Variants in THADA observed in about 807,000 individuals in gnomAD.
THADA encodes the protein tRNA (32-2'-O)-methyltransferase regulator THADA.
THADA carries 213 observed loss-of-function variants against 219.8 expected under a neutral mutation model. The observed-to-expected ratio is 0.97, with a 90% CI of 0.87 to 1.09. The LOEUF (loss-of-function observed/expected upper bound fraction) is 1.09, where lower values mean the gene tolerates loss of function less well. THADA is among the 50% of genes least tolerant of loss of function. The pLI is 0.00. For missense variants in THADA, 2,956 were observed against 2,311.3 expected, an observed-to-expected ratio of 1.28 and a Z score of -5.72; for synonymous variants, 1,018 against 828.9, an observed-to-expected ratio of 1.23 and a Z score of -3.92.
intron 25 of THADA, among the ~76,000 whole-genome samples, chr2:43,497,215 C>T (rs1429579412): frequency 1.3e-5 from 2 of 152,106 alleles, no homozygotes; most frequent in East Asian, 3.9e-4. Context: ...ATAAATCATT[C>T]GACTATAAAG....
chr2:43,372,736 G>A (rs765187053), intron 29 of THADA, among the ~76,000 whole-genome samples: 13 of 152,078 alleles, frequency 8.5e-5, no homozygotes, highest in Non-Finnish European at 1.6e-4. Flanking sequence ...CAAGTGTAGA[G>A]CATTAGTCTA....
intron 26 of THADA, among the ~76,000 whole-genome samples, chr2:43,433,945 T>C (rs1285125107): frequency 6.6e-6 from 1 of 152,224 alleles, no homozygotes; most frequent in African/African-American, 2.4e-5. Flanking sequence ...TGCCTCTGCC[T>C]CCCACAGTGC....
rs995090067 is a variant in THADA at position 43,313,944 on chromosome 2, G to C, written c.4438+6502C>G. On this transcript the variant is annotated intron_variant, in intron 31 of 37. Transcript: ENST00000405975. ...GTTAGGCACTTCTCGCTATGCCTCA[G>C]TTTCTGTGGTCTCATGAAGGAACAT... 5.3e-5 allele frequency among the ~76,000 whole-genome samples: 8 copies of C among 152,364 alleles called. No individual in the cohort carries two copies. In the East Asian group the frequency reaches 5.8e-4, roughly 11 times the overall value.
intron 8 of THADA, 125 bp downstream of exon 8, chr2:43,581,616 T>C: frequency 1.3e-6 from 1 of 781,336 alleles, no homozygotes; most frequent in Non-Finnish European, 1.9e-6. Context: ...TTTGAGAGGC[T>C]GAGTAAGGAC....
At chr2:43,396,599 G>A (rs974043335) in intron 29 of THADA, among the ~76,000 whole-genome samples, 3 of 152,180 alleles carry the variant, frequency 2.0e-5, no homozygotes, top group East Asian at 3.9e-4. Context: ...TCAGGAGTTC[G>A]AGACCAGCTT....
At chr2:43,471,553 A>G (rs377566889) in intron 26 of THADA, among the ~76,000 whole-genome samples, 1 of 152,276 alleles carries the variant, frequency 6.6e-6, no homozygotes, top group South Asian at 2.1e-4. Context: ...AAAGTAATAT[A>G]AAGAGTACAT....
chr2:43,361,667 G>A (rs1296267407), intron 29 of THADA, among the ~76,000 whole-genome samples: 1 of 152,204 alleles, frequency 6.6e-6, no homozygotes, highest in Non-Finnish European at 1.5e-5. Flanking sequence ...TGTGGTGATT[G>A]TCCCAGAAAC....
chr2:43,592,368 T>C lies in THADA; in HGVS notation c.25A>G (p.Met9Val), dbSNP rs1359966318. Residue 9 changes from methionine to valine, a missense_variant, in exon 2 of 38, where the codon ATG (methionine) becomes GTG (valine). Transcript: ENST00000405975. MGVKKKKEMQVAALTICHQ... is the reference protein window; with the variant it reads MGVKKKKEVQVAALTICHQ... Reference sequence around the variant, plus strand: ...CAAATGGTCAGCGCAGCAACTTGCATTTCTTTCTTCTTCTTTACACCCATT... The same window carrying C: ...CAAATGGTCAGCGCAGCAACTTGCACTTCTTTCTTCTTCTTTACACCCATT... The C allele has an allele frequency of 1.2e-6, 2 of 1,607,208 alleles. No individual in the cohort carries two copies. The highest frequency in any genetic ancestry group is 2.2e-5 in the East Asian group (1 of 44,830).
At chr2:43,425,444 GTA>G (rs1162459125) in intron 28 of THADA, among the ~76,000 whole-genome samples, 41 of 116,448 alleles carry the variant, frequency 3.5e-4, no homozygotes, top group African/African-American at 1.0e-3. Context: ...TGTTAAAATT[GTA>G]TGTGTGTGTG....
At chr2:43,424,009 A>G (rs920702315) in intron 28 of THADA, among the ~76,000 whole-genome samples, 5 of 152,206 alleles carry the variant, frequency 3.3e-5, no homozygotes, top group Middle Eastern at 3.2e-3. Context: ...TCACATTCAC[A>G]TGGTAAAGGG....
At chr2:43,587,272 A>C (rs1401276006) in intron 4 of THADA, among the ~76,000 whole-genome samples, 4 of 152,196 alleles carry the variant, frequency 2.6e-5, no homozygotes, top group Non-Finnish European at 5.9e-5. Context: ...CACTTCTCTT[A>C]CTAAAACCTC....
intron 19 of THADA, among the ~76,000 whole-genome samples, chr2:43,550,039 C>T (rs1229163138): frequency 1.3e-5 from 2 of 152,140 alleles, no homozygotes; most frequent in East Asian, 3.9e-4. Flanking sequence ...TTTTTATTCC[C>T]TAAGCACTCA....
intron 22 of THADA, among the ~76,000 whole-genome samples, chr2:43,518,936 T>C (rs1692069580): frequency 6.6e-6 from 1 of 152,076 alleles, no homozygotes; most frequent in Non-Finnish European, 1.5e-5. Context: ...TGACCTGTAT[T>C]TCCAACTGTC....
At chr2:43,402,166 G>A (rs990910988) in intron 28 of THADA, among the ~76,000 whole-genome samples, 1 of 152,136 alleles carries the variant, frequency 6.6e-6, no homozygotes, top group Non-Finnish European at 1.5e-5. Flanking sequence ...ACACGATGTG[G>A]CTGTCAGGTT....
At position 43,485,471 on chromosome 2, in the gene THADA, T is replaced by A. The variant is rs6747229; in HGVS notation, c.3745-146A>T. ...ACAGATTTGTGTTCATAAAATAATT[T>A]AAAAAAAAAACTTGACAGTCATCGA... On this transcript the variant is annotated intron_variant, in intron 25 of 37. Coordinates refer to ENST00000405975, the MANE Select transcript of THADA (RefSeq NM_022065.5). 0.11 allele frequency: 61,738 copies of A among 555,492 alleles called. 3,915 individuals are homozygous for A. The highest frequency in any genetic ancestry group is 0.27 in the African/African-American group (14,037 of 51,380). The allele number at this position is 555,492 out of a possible 1,614,324, so 34.4% of individuals were successfully genotyped here.
intron 36 of THADA, among the ~76,000 whole-genome samples, chr2:43,240,298 T>C (rs891129591): frequency 6.6e-6 from 1 of 152,184 alleles, no homozygotes; most frequent in Non-Finnish European, 1.5e-5. Flanking sequence ...GGAGTGAGTG[T>C]TACTGCACTT....
chr2:43,361,759 G>A (rs932916626), intron 29 of THADA, among the ~76,000 whole-genome samples: 3 of 152,124 alleles, frequency 2.0e-5, no homozygotes, highest in Admixed American at 1.3e-4. Flanking sequence ...TATCCCTCAG[G>A]TGCTTTAAGA....
At position 43,398,125 on chromosome 2, in the gene THADA, G is replaced by A. The variant is rs746683362; in HGVS notation, c.4073C>T (p.Pro1358Leu). Residue 1358 changes from proline (P) to leucine (L), a missense_variant, in exon 29 of 38, where the codon CCT becomes CTT. Transcript: ENST00000405975. The part of the protein sequence containing the change: ...VPFIMRCGHS[P>L]VYHSREMAAR... ...TGCCATTTCACGGGAGTGGTAGACA[G>A]GTGAGTGACCACACCTGGGGAGAAA... The A allele has an allele frequency of 3.1e-6, 5 of 1,613,788 alleles. No homozygotes were observed. The Admixed American group carries it at 8.3e-5, about 27-fold the overall frequency.
At chr2:43,326,421 A>C (rs1275732788) in intron 30 of THADA, among the ~76,000 whole-genome samples, 1 of 152,196 alleles carries the variant, frequency 6.6e-6, no homozygotes, top group Non-Finnish European at 1.5e-5. Context: ...ACAAGTGCTA[A>C]AAGGGACAAT....
Sources: allele counts gnomAD v4.1 joint callset (sites outside exome capture counted in the v4.1 genomes callset), GRCh38; gene constraint gnomAD v4.1.1; transcripts MANE v1.5; gene names NCBI Gene and HGNC (gene_info 2026-07-23, HGNC 2026-07-21).